Variants in SESN1 observed in about 807,000 individuals in gnomAD.
SESN1 encodes sestrin 1.
Under a neutral mutation model 59.3 loss-of-function variants are expected in SESN1, and 30 were observed. The ratio of observed to expected loss-of-function variants is 0.51; its 90% CI spans 0.38 to 0.69. The LOEUF (loss-of-function observed/expected upper bound fraction) is 0.69, where lower values mean the gene tolerates loss of function less well. Ranked by LOEUF, SESN1 falls within the 30% of genes least tolerant of loss-of-function variation. The pLI, the probability that SESN1 is intolerant of heterozygous loss-of-function variation, is 0.00. For missense variants in SESN1, 566 were observed against 673.0 expected, an observed-to-expected ratio of 0.84 and a Z score of 1.76; for synonymous variants, 197 against 219.9, an observed-to-expected ratio of 0.90 and a Z score of 0.92.
chr6:109,042,142 A>C (rs1780352939), intron 1 of SESN1, among the ~76,000 whole-genome samples: 2 of 152,128 alleles, frequency 1.3e-5, no homozygotes, highest in Non-Finnish European at 2.9e-5. Context: ...AGATTTAAAA[A>C]ATATATTGAA....
intron 1 of SESN1, among the ~76,000 whole-genome samples, chr6:109,040,519 G>C (rs111494816): frequency 3.3e-3 from 509 of 151,998 alleles, no homozygotes; most frequent in African/African-American, 9.9e-3. Context: ...AGGACTCTTA[G>C]GGTAACGCCA....
rs2128525818 is a variant in SESN1, at chr6:108,986,473, C to T, written c.*1071G>A. 1 of 152,686 alleles carries T rather than the reference C, an allele frequency of 6.5e-6. No individual in the cohort carries two copies. The highest frequency in any genetic ancestry group is 1.9e-4 in the East Asian group (1 of 5,192). The allele number at this position is 152,686 out of a possible 1,614,324, so 9.5% of individuals were successfully genotyped here. ...AAAAATTCTTCTTTATTTAAAAATA[C>T]CAGTAATACTGACAGACTTCAAAAG... On this transcript the variant is annotated 3_prime_UTR_variant, in exon 10 of 10. Transcript: ENST00000436639.
At position 108,986,229 on chromosome 6, in the gene SESN1, G is replaced by A. The variant is rs1779186039; in HGVS notation, c.*1315C>T. Among the ~76,000 whole-genome samples the A allele has an allele frequency of 6.6e-6, 1 of 152,132 alleles. No homozygotes were observed. On this transcript the variant is annotated 3_prime_UTR_variant, in exon 10 of 10. Coordinates refer to ENST00000436639, the MANE Select transcript of SESN1 (RefSeq NM_014454.3). ...TCTAAAACAGTTGAAAAGAGAGCAG[G>A]CATAGGGCCATACCAGTCATTTCCA...
rs1246532616 is a variant in SESN1 at position 109,028,374 on chromosome 6, T to A, written c.280-26031A>T. On this transcript the variant is annotated intron_variant, in intron 1 of 9. Transcript: ENST00000436639. The stretch of plus-strand genomic sequence containing the variant: ...ATAACTTTTTGGAGTAGGGGAAGAA[T>A]GGGAATGAGAAGTTTATCTCGAATG... Among the ~76,000 whole-genome samples, 2 of 152,146 alleles carry A rather than the reference T, an allele frequency of 1.3e-5. 1 individual carries two copies. The highest frequency in any genetic ancestry group is 3.8e-4 in the East Asian group (2 of 5,200).
chr6:109,058,861 A>G (rs2114452158), intron 1 of SESN1, among the ~76,000 whole-genome samples: 1 of 152,102 alleles, frequency 6.6e-6, no homozygotes, highest in South Asian at 2.1e-4. Flanking sequence ...ACAAGAATAG[A>G]AAATAACTTC....
At chr6:109,020,703 T>C (rs930804554) in intron 1 of SESN1, among the ~76,000 whole-genome samples, 2 of 152,240 alleles carry the variant, frequency 1.3e-5, no homozygotes, top group Non-Finnish European at 2.9e-5. Flanking sequence ...CACTGTTATA[T>C]TTAGCACAGA....
At chr6:109,021,461 CTT>C (rs112563691) in intron 1 of SESN1, among the ~76,000 whole-genome samples, 1 of 146,614 alleles carries the variant, frequency 6.8e-6, no homozygotes. Flanking sequence ...CCTCATCCTT[CTT>C]TTTTTTTTTG....
intron 3 of SESN1, among the ~76,000 whole-genome samples, chr6:109,001,056 G>A (rs185166186): frequency 6.6e-6 from 1 of 152,220 alleles, no homozygotes; most frequent in African/African-American, 2.4e-5. Context: ...CAGAACTTGT[G>A]TTCTACTTAT....
Position 109,029,770 on chromosome 6 carries a change from G to C in SESN1, c.280-27427C>G, listed in dbSNP as rs377459061. Among the ~76,000 whole-genome samples the C allele has an allele frequency of 5.1e-4, 78 of 152,182 alleles. No individual in the cohort carries two copies. The South Asian group carries it at 0.016, about 30-fold the overall frequency. On this transcript the variant is annotated intron_variant, in intron 1 of 9. Transcript: ENST00000436639. ...TGGTCTTTATCTCCTTGCCTCAAAT[G>C]ATCTTCCCACTTTGGCCTCCCAAAG...
intron 1 of SESN1, among the ~76,000 whole-genome samples, chr6:109,072,646 G>A (rs1409485138): frequency 6.6e-6 from 1 of 152,152 alleles, no homozygotes; most frequent in Non-Finnish European, 1.5e-5. Context: ...GAGCAGGCAA[G>A]TAAAACAGTA....
intron 1 of SESN1, among the ~76,000 whole-genome samples, chr6:109,032,367 C>T (rs891332971): frequency 1.3e-5 from 2 of 152,114 alleles, no homozygotes; most frequent in African/African-American, 4.8e-5. Context: ...GCCTGTAATC[C>T]CAGCACTTTG....
chr6:109,065,272 C>T (rs1454704536), intron 1 of SESN1, among the ~76,000 whole-genome samples: 2 of 152,044 alleles, frequency 1.3e-5, no homozygotes, highest in Non-Finnish European at 2.9e-5. Flanking sequence ...AAATTATTTT[C>T]CCCTAATACT....
chr6:109,047,881 A>G (rs1780478236), intron 1 of SESN1, among the ~76,000 whole-genome samples: 1 of 147,184 alleles, frequency 6.8e-6, no homozygotes, highest in South Asian at 2.3e-4. Context: ...TTTGTTAAAC[A>G]GATGCTTGAA....
chr6:108,997,086 A>G (rs2114290309), intron 5 of SESN1, among the ~76,000 whole-genome samples: 1 of 152,286 alleles, frequency 6.6e-6, no homozygotes, highest in African/African-American at 2.4e-5. Flanking sequence ...GAGCTGAGTC[A>G]GATACTGGAT....
chr6:109,017,038 A>G (rs1032377640), intron 1 of SESN1, among the ~76,000 whole-genome samples: 12 of 152,018 alleles, frequency 7.9e-5, no homozygotes, highest in African/African-American at 2.9e-4. Context: ...TTTATATTTT[A>G]TATGCTTTCA....
At chr6:109,044,868 A>T (rs368618025) in intron 1 of SESN1, among the ~76,000 whole-genome samples, 282 of 152,238 alleles carry the variant, frequency 1.9e-3, no homozygotes, top group African/African-American at 6.5e-3. Flanking sequence ...TACTAAAAAT[A>T]CAAAATTAGC....
At chr6:109,008,679 A>G (rs1779785830) in intron 1 of SESN1, 1 of 646,588 alleles carries the variant, frequency 1.5e-6, no homozygotes, top group South Asian at 6.8e-5. Context: ...CTAAGGTTAC[A>G]TTAGTAACTT....
At position 109,009,495 on chromosome 6, in the gene SESN1, G is replaced by C. The variant is rs1019685651; in HGVS notation, c.280-7152C>G. The C allele has an allele frequency of 8.2e-6, 10 of 1,225,602 alleles. No homozygotes were observed. In the African/African-American group the frequency reaches 1.6e-4, roughly 19 times the overall value. The allele number at this position is 1,225,602 out of a possible 1,614,324, so 75.9% of individuals were successfully genotyped here. A position where few individuals can be genotyped will look rare whatever the true frequency, so the allele number is the denominator to read the frequency against. ...GGGACGGCTGCGGACGCGCGGAGGC[G>C]GCGAGCGCTGGGCAGCCGGCCGCGG... On this transcript the variant is annotated intron_variant, in intron 1 of 9. Transcript: ENST00000436639.
At chr6:109,077,920 C>A (rs991032437) in intron 1 of SESN1, among the ~76,000 whole-genome samples, 7 of 151,920 alleles carry the variant, frequency 4.6e-5, no homozygotes, top group African/African-American at 1.7e-4. Context: ...TTTTTTAATT[C>A]ATTAAACAAG....
Sources: allele counts gnomAD v4.1 joint callset (sites outside exome capture counted in the v4.1 genomes callset), GRCh38; gene constraint gnomAD v4.1.1; transcripts MANE v1.5; gene names NCBI Gene and HGNC (gene_info 2026-07-23, HGNC 2026-07-21).